The following CTDSPL variants were observed in gnomAD, a reference collection of about 807,000 sequenced individuals.
CTDSPL encodes CTD small phosphatase-like protein.
In CTDSPL, 8 loss-of-function variants were observed where a neutral mutation model predicts 30.5. The ratio of observed to expected loss-of-function variants is 0.26; its 90% CI spans 0.15 to 0.47. The LOEUF is 0.47. Among genes scored for constraint, CTDSPL ranks in the 20% least tolerant of loss-of-function variants. CTDSPL has a pLI of 0.99. For missense variants in CTDSPL, 248 were observed against 366.1 expected, an observed-to-expected ratio of 0.68 and a Z score of 2.63; for synonymous variants, 110 against 137.9, an observed-to-expected ratio of 0.80 and a Z score of 1.42.
Position 37,913,709 on chromosome 3 carries a change from C to T in CTDSPL, c.80-33348C>T, listed in dbSNP as rs1431307775. Reference sequence around the variant, plus strand: ...TGAGGTCCAAAAAGGGGAAGAACTTCTCTGGGATTACACAGAGAGTGAGGA... The same window carrying T: ...TGAGGTCCAAAAAGGGGAAGAACTTTTCTGGGATTACACAGAGAGTGAGGA... On this transcript the variant is annotated intron_variant, in intron 1 of 7. Coordinates refer to ENST00000273179, the MANE Select transcript of CTDSPL (RefSeq NM_001008392.2). 2.0e-5 allele frequency among the ~76,000 whole-genome samples: 3 copies of T among 152,202 alleles called. No individual in the cohort carries two copies. The East Asian group carries it at 5.8e-4, about 29-fold the overall frequency.
intron 1 of CTDSPL, among the ~76,000 whole-genome samples, chr3:37,916,634 G>C (rs1221865486): frequency 6.6e-6 from 1 of 152,140 alleles, no homozygotes; most frequent in Non-Finnish European, 1.5e-5. Context: ...CCAGAGACCG[G>C]GAGAGGCAAG....
chr3:37,899,462 A>G (rs1028371844), intron 1 of CTDSPL, among the ~76,000 whole-genome samples: 4 of 152,188 alleles, frequency 2.6e-5, no homozygotes, highest in African/African-American at 9.7e-5. Flanking sequence ...GGAGCTGCCA[A>G]CTCATAGCCT....
chr3:37,913,499 C>G (rs1031513913), intron 1 of CTDSPL, among the ~76,000 whole-genome samples: 1 of 152,110 alleles, frequency 6.6e-6, no homozygotes, highest in African/African-American at 2.4e-5. Context: ...AAATCCCTGC[C>G]TTTTTAACCT....
intron 1 of CTDSPL, among the ~76,000 whole-genome samples, chr3:37,927,674 G>A (rs867387613): frequency 0.099 from 11,973 of 121,348 alleles, 623 homozygotes; most frequent in Middle Eastern, 0.13. Flanking sequence ...GTGTGTGTGT[G>A]TGTGTATGTG....
chr3:37,933,909 A>ATTG (rs1291018831), intron 1 of CTDSPL, among the ~76,000 whole-genome samples: 2 of 152,244 alleles, frequency 1.3e-5, no homozygotes, highest in Admixed American at 6.5e-5. Context: ...TGTTCCTAGT[A>ATTG]TTACTGTTGC....
At chr3:37,875,850 A>G (rs1298107547) in intron 1 of CTDSPL, among the ~76,000 whole-genome samples, 1 of 152,254 alleles carries the variant, frequency 6.6e-6, no homozygotes, top group African/African-American at 2.4e-5. Flanking sequence ...ATTAATTCTA[A>G]TGTATGAGCA....
At chr3:37,901,978 G>A (rs137939964) in intron 1 of CTDSPL, among the ~76,000 whole-genome samples, 8 of 152,248 alleles carry the variant, frequency 5.3e-5, no homozygotes, top group African/African-American at 9.6e-5. Flanking sequence ...TCGTGGTTGC[G>A]AGATGGCTGC....
intron 1 of CTDSPL, among the ~76,000 whole-genome samples, chr3:37,923,564 C>T (rs1463386644): frequency 2.0e-5 from 3 of 152,008 alleles, no homozygotes; most frequent in Non-Finnish European, 2.9e-5. Flanking sequence ...AATATTTTTC[C>T]ATTTATAAAG....
At chr3:37,869,648 C>T (rs559640072) in intron 1 of CTDSPL, among the ~76,000 whole-genome samples, 3 of 152,120 alleles carry the variant, frequency 2.0e-5, no homozygotes, top group East Asian at 3.9e-4. Context: ...AGCAGTATGT[C>T]GAACAAGAGT....
intron 1 of CTDSPL, among the ~76,000 whole-genome samples, chr3:37,903,347 C>CGATCCATTT (rs1445445934): frequency 6.6e-6 from 1 of 152,160 alleles, no homozygotes; most frequent in Non-Finnish European, 1.5e-5. Context: ...TTTGAAACAG[C>CGATCCATTT]GATCCATTTG....
intron 1 of CTDSPL, 83 bp from the exon 2 acceptor site, chr3:37,946,974 C>G (rs1699046011): frequency 6.9e-7 from 1 of 1,450,520 alleles, no homozygotes; most frequent in African/African-American, 1.4e-5. Context: ...TGGGGGGCAA[C>G]TGCACACTCA....
intron 1 of CTDSPL, among the ~76,000 whole-genome samples, chr3:37,912,928 T>C (rs1348114071): frequency 6.6e-6 from 1 of 152,248 alleles, no homozygotes; most frequent in East Asian, 1.9e-4. Flanking sequence ...CATTATTCCA[T>C]TTAATCTTCA....
intron 1 of CTDSPL, among the ~76,000 whole-genome samples, chr3:37,870,576 C>G (rs1698060772): frequency 6.6e-6 from 1 of 152,000 alleles, no homozygotes; most frequent in African/African-American, 2.4e-5. Flanking sequence ...CTGTTCTTAT[C>G]TTTATTTCCT....
chr3:37,896,755 T>C (rs375943646), intron 1 of CTDSPL, among the ~76,000 whole-genome samples: 2 of 152,040 alleles, frequency 1.3e-5, no homozygotes, highest in East Asian at 3.9e-4. Flanking sequence ...CCCAGGCTGG[T>C]CTTGAACTCC....
Position 37,982,541 on chromosome 3 carries a change from C to G in CTDSPL, c.*1674C>G. The G allele has an allele frequency of 2.2e-6, 1 of 456,620 alleles. No homozygotes were observed. Among genetic ancestry groups the G allele is most frequent in the Non-Finnish European group, 4.4e-6 (1 of 226,950 alleles). The allele number at this position is 456,620 out of a possible 1,614,324, so 28.3% of individuals were successfully genotyped here. A position where few individuals can be genotyped will look rare whatever the true frequency, so the allele number is the denominator to read the frequency against. On this transcript the variant is annotated 3_prime_UTR_variant, in exon 8 of 8. Transcript: ENST00000273179. ...GAAATCGGGGGTCAAAGTAAAATAT[C>G]TTTGTTTTGCTTTCATTCACAAAGT...
At chr3:37,977,056 A>G (rs1699436259) in intron 7 of CTDSPL, among the ~76,000 whole-genome samples, 1 of 152,208 alleles carries the variant, frequency 6.6e-6, no homozygotes, top group African/African-American at 2.4e-5. Context: ...AACTCAATTA[A>G]TTTGGCTAGT....
chr3:37,876,903 C>G (rs1478712095), intron 1 of CTDSPL, among the ~76,000 whole-genome samples: 2 of 151,606 alleles, frequency 1.3e-5, no homozygotes, highest in Non-Finnish European at 2.9e-5. Flanking sequence ...GTCAGGAGTT[C>G]AAGACCAGCC....
At chr3:37,925,021 G>C (rs1698764956) in intron 1 of CTDSPL, among the ~76,000 whole-genome samples, 1 of 152,250 alleles carries the variant, frequency 6.6e-6, no homozygotes, top group Middle Eastern at 3.4e-3. Flanking sequence ...GTCTCACCTA[G>C]TGATACATCC....
At chr3:37,878,382 G>A (rs898136404) in intron 1 of CTDSPL, among the ~76,000 whole-genome samples, 13 of 152,162 alleles carry the variant, frequency 8.5e-5, no homozygotes, top group African/African-American at 3.1e-4. Flanking sequence ...ATGGATTAAA[G>A]TTTATTTGCA....
Sources: gnomAD v4.1 joint callset for allele counts (sites outside exome capture counted in the v4.1 genomes callset) on GRCh38, gnomAD v4.1.1 for gene constraint, MANE v1.5 for transcripts, NCBI Gene and HGNC (gene_info 2026-07-23, HGNC 2026-07-21) for gene names.